The following DLGAP1 variants were observed in gnomAD, a reference collection of about 807,000 sequenced individuals.
DLGAP1 encodes DLG associated protein 1.
In DLGAP1, 11 loss-of-function variants were observed where a neutral mutation model predicts 90.8. The observed-to-expected ratio is 0.12, with a 90% CI of 0.08 to 0.20. The LOEUF (loss-of-function observed/expected upper bound fraction) is 0.20. DLGAP1 is among the 10% of genes least tolerant of loss of function. The pLI is 1.00. For synonymous variants in DLGAP1, 558 were observed against 540.7 expected (o/e 1.03, Z -0.44); for missense variants, 1,050 against 1,333.8 (o/e 0.79, Z 3.31).
intron 5 of DLGAP1, among the ~76,000 whole-genome samples, chr18:3,803,193 C>A (rs1010069081): frequency 6.6e-6 from 1 of 152,036 alleles, no homozygotes; most frequent in African/African-American, 2.4e-5. Context: ...GACGACTGGA[C>A]CCCCCCTAGC....
intron 1 of DLGAP1, among the ~76,000 whole-genome samples, chr18:4,403,251 A>G (rs945653445): frequency 2.6e-5 from 4 of 152,152 alleles, no homozygotes; most frequent in African/African-American, 4.8e-5. Context: ...TGATCTATAA[A>G]CCAAGTACTG....
chr18:4,393,187 GAATA>G (rs901339118), intron 1 of DLGAP1, among the ~76,000 whole-genome samples: 33 of 152,016 alleles, frequency 2.2e-4, no homozygotes, highest in African/African-American at 7.0e-4. Context: ...CCTTAAAATA[GAATA>G]AATAAAATAA....
intron 3 of DLGAP1, among the ~76,000 whole-genome samples, chr18:4,002,119 C>G (rs1276439241): frequency 6.6e-6 from 1 of 152,138 alleles, no homozygotes; most frequent in Non-Finnish European, 1.5e-5. Flanking sequence ...CTTAGTTGCT[C>G]TGTTTCCATG....
chr18:4,125,110 ACT>A (rs778358935), intron 2 of DLGAP1, among the ~76,000 whole-genome samples: 4 of 152,206 alleles, frequency 2.6e-5, no homozygotes, highest in Non-Finnish European at 5.9e-5. Flanking sequence ...CTTATTGTAG[ACT>A]TAGTGCATAG....
At chr18:4,307,069 C>T (rs1325526958) in intron 1 of DLGAP1, among the ~76,000 whole-genome samples, 1 of 152,170 alleles carries the variant, frequency 6.6e-6, no homozygotes, top group African/African-American at 2.4e-5. Flanking sequence ...CACCCAAATT[C>T]ATACCTGGGA....
chr18:3,511,641 G>T (rs528158105), intron 10 of DLGAP1, among the ~76,000 whole-genome samples: 1 of 152,098 alleles, frequency 6.6e-6, no homozygotes, highest in Non-Finnish European at 1.5e-5. Context: ...ATGTGGCCCA[G>T]GCTGGTCTTG....
chr18:3,690,876 C>T (rs938936129), intron 7 of DLGAP1, among the ~76,000 whole-genome samples: 7 of 152,192 alleles, frequency 4.6e-5, no homozygotes, highest in Non-Finnish European at 1.0e-4. Flanking sequence ...GACATGCTGG[C>T]GGTAGCAGGC....
At chr18:4,424,864 T>C (rs1165525118) in intron 1 of DLGAP1, among the ~76,000 whole-genome samples, 1 of 152,150 alleles carries the variant, frequency 6.6e-6, no homozygotes, top group Non-Finnish European at 1.5e-5. Flanking sequence ...ACAAAACCAA[T>C]TTATTGCTAA....
intron 1 of DLGAP1, among the ~76,000 whole-genome samples, chr18:4,385,596 G>A (rs1044199248): frequency 6.6e-6 from 1 of 152,056 alleles, no homozygotes; most frequent in South Asian, 2.1e-4. Context: ...AGCGCCATGG[G>A]AATGAGCAGT....
chr18:4,195,978 T>A (rs543794576), intron 1 of DLGAP1, among the ~76,000 whole-genome samples: 1 of 152,342 alleles, frequency 6.6e-6, no homozygotes, highest in Non-Finnish European at 1.5e-5. Context: ...GTGTCTTTGT[T>A]ATTGTAATCA....
At chr18:3,826,872 G>A (rs556446423) in intron 4 of DLGAP1, among the ~76,000 whole-genome samples, 44 of 152,186 alleles carry the variant, frequency 2.9e-4, no homozygotes, top group Non-Finnish European at 8.8e-5. Flanking sequence ...TAGCTAAAGG[G>A]GAGGAGCCAG....
At chr18:4,429,201 G>A (rs1023412687) in intron 1 of DLGAP1, among the ~76,000 whole-genome samples, 1 of 152,122 alleles carries the variant, frequency 6.6e-6, no homozygotes, top group Non-Finnish European at 1.5e-5. Context: ...TCCAGGATGA[G>A]TTAGAACAGC....
intron 1 of DLGAP1, among the ~76,000 whole-genome samples, chr18:4,401,168 T>C (rs982562490): frequency 6.6e-6 from 1 of 152,198 alleles, no homozygotes; most frequent in Non-Finnish European, 1.5e-5. Flanking sequence ...GTTTCATTTA[T>C]TTCAGTTAGA....
chr18:3,511,041 G>A (rs1264339371), intron 10 of DLGAP1, among the ~76,000 whole-genome samples: 2 of 152,308 alleles, frequency 1.3e-5, no homozygotes, highest in East Asian at 1.9e-4. Flanking sequence ...GGCTTTTGCC[G>A]TCATGTTCCT....
At chr18:4,432,399 T>C (rs1193930139) in intron 1 of DLGAP1, among the ~76,000 whole-genome samples, 1 of 152,110 alleles carries the variant, frequency 6.6e-6, no homozygotes, top group East Asian at 1.9e-4. Flanking sequence ...GTTAATGTTT[T>C]CCCCACCTCT....
At chr18:3,666,397 T>G (rs1323405627) in intron 7 of DLGAP1, among the ~76,000 whole-genome samples, 1 of 152,198 alleles carries the variant, frequency 6.6e-6, no homozygotes, top group Admixed American at 6.5e-5. Flanking sequence ...CCTGCCAATG[T>G]TCTTAGTCAA....
At chr18:3,639,934 T>G (rs1010118633) in intron 7 of DLGAP1, among the ~76,000 whole-genome samples, 2 of 149,192 alleles carry the variant, frequency 1.3e-5, no homozygotes, top group Non-Finnish European at 3.0e-5. Flanking sequence ...TTTTGTATTT[T>G]TAGTAGAGAC....
At chr18:3,958,147 G>T (rs1337617221) in intron 3 of DLGAP1, among the ~76,000 whole-genome samples, 1 of 152,080 alleles carries the variant, frequency 6.6e-6, no homozygotes, top group Non-Finnish European at 1.5e-5. Flanking sequence ...GAAGTGGGCA[G>T]ATCTGCCCGC....
chr18:4,116,620 A>G (rs2076067963), intron 2 of DLGAP1, among the ~76,000 whole-genome samples: 2 of 151,968 alleles, frequency 1.3e-5, no homozygotes, highest in African/African-American at 4.8e-5. Flanking sequence ...ACCAGCTCAG[A>G]CTGTCTCTCG....
Sources: gnomAD v4.1 joint callset for allele counts (sites outside exome capture counted in the v4.1 genomes callset) on GRCh38, gnomAD v4.1.1 for gene constraint, MANE v1.5 for transcripts, NCBI Gene and HGNC (gene_info 2026-07-23, HGNC 2026-07-21) for gene names.